Variants in PXDN observed in about 807,000 individuals in gnomAD.
PXDN encodes the protein peroxidasin homolog.
PXDN carries 77 observed loss-of-function variants against 140.3 expected under a neutral mutation model. That is an observed-to-expected ratio of 0.55 (90% CI 0.46 to 0.66). The LOEUF is 0.66. Among genes scored for constraint, PXDN ranks in the 30% least tolerant of loss-of-function variants. The probability of loss-of-function intolerance (pLI) is 0.00; values close to 1 mark genes in which losing one functional copy is unlikely to be tolerated. For synonymous variants in PXDN, 911 were observed against 857.4 expected (o/e 1.06, Z -1.09); for missense variants, 1,838 against 2,039.5 (o/e 0.90, Z 1.90).
intron 19 of PXDN, among the ~76,000 whole-genome samples, chr2:1,642,240 A>C (rs933760861): frequency 3.9e-5 from 6 of 151,970 alleles, no homozygotes; most frequent in Non-Finnish European, 8.8e-5. Flanking sequence ...CACACACTCC[A>C]CACACACACC....
intron 19 of PXDN, among the ~76,000 whole-genome samples, chr2:1,640,270 C>A (rs1022669786): frequency 1.3e-5 from 2 of 151,920 alleles, no homozygotes; most frequent in Non-Finnish European, 2.9e-5. Flanking sequence ...GTACATCATC[C>A]CCACCCAAGA....
Position 1,685,748 on chromosome 2 carries a change from G to A in PXDN, c.417-1597C>T, listed in dbSNP as rs949134157. 4.3e-5 allele frequency among the ~76,000 whole-genome samples: 6 copies of A among 140,918 alleles called. No individual in the cohort carries two copies. The highest frequency in any genetic ancestry group is 3.8e-3 in the Middle Eastern group (1 of 262). The allele number at this position is 140,918 out of a possible 152,430, so 92.4% of individuals were successfully genotyped here. ...TTGGCACCTGCTGCACAGGTGCTAC[G>A]GGAAATGACGGCCCAGGGTGCACAG... On this transcript the variant is annotated intron_variant, in intron 4 of 22. Transcript: ENST00000252804. The surrounding 1 kb of genome is among the most constrained non-coding windows in gnomAD (Gnocchi z 5.1).
chr2:1,735,807 C>G (rs1467646542), intron 1 of PXDN, among the ~76,000 whole-genome samples: 1 of 152,154 alleles, frequency 6.6e-6, no homozygotes, highest in Non-Finnish European at 1.5e-5. Context: ...AGCTTTGAAG[C>G]CAGGCAATGA....
At chr2:1,742,064 C>T (rs1433861969) in intron 1 of PXDN, among the ~76,000 whole-genome samples, 2 of 152,192 alleles carry the variant, frequency 1.3e-5, no homozygotes, top group East Asian at 1.9e-4. Flanking sequence ...CACGTTCTCC[C>T]AGGAGACACG....
chr2:1,672,388 C>T (rs769896154), intron 9 of PXDN, among the ~76,000 whole-genome samples: 4 of 152,216 alleles, frequency 2.6e-5, no homozygotes. Context: ...TAGTTATTCT[C>T]CTTTGTCTAT....
intron 7 of PXDN, among the ~76,000 whole-genome samples, chr2:1,678,659 C>T (rs1683788626): frequency 1.3e-5 from 2 of 152,218 alleles, no homozygotes; most frequent in African/African-American, 2.4e-5. Flanking sequence ...CACAGGTTCT[C>T]GCACAGCTCA....
At chr2:1,735,901 G>C (rs1685416453) in intron 1 of PXDN, among the ~76,000 whole-genome samples, 1 of 152,180 alleles carries the variant, frequency 6.6e-6, no homozygotes, top group Non-Finnish European at 1.5e-5. Context: ...ATCTGTTGTT[G>C]AATGTGGCCA....
intron 1 of PXDN, among the ~76,000 whole-genome samples, chr2:1,706,095 A>C (rs1303409028): frequency 6.6e-6 from 1 of 152,116 alleles, no homozygotes; most frequent in African/African-American, 2.4e-5. Flanking sequence ...TGCCAGATTC[A>C]AGTTCTACCC....
rs188679714 is a variant in PXDN, at chr2:1,671,441, T to C, written c.1018+2202A>G. Among the ~76,000 whole-genome samples, 441 of 152,224 alleles carry C rather than the reference T, an allele frequency of 2.9e-3. 6 individuals carry two copies. The highest frequency in any genetic ancestry group is 0.01 in the African/African-American group (423 of 41,528). The stretch of plus-strand genomic sequence containing the variant: ...TAAATTTCTAGCTCTATGTTATTTA[T>C]ATTAAACATCTCAAATATATGCACA... On this transcript the variant is annotated intron_variant, in intron 9 of 22. Transcript: ENST00000252804.
In PXDN at chr2:1,649,735, G is replaced by C; in HGVS notation, c.2105-60C>G. On this transcript the variant is annotated intron_variant, in intron 16 of 22. Coordinates refer to ENST00000252804, the MANE Select transcript of PXDN (RefSeq NM_012293.3). This position sits in a 1 kb window ranked among gnomAD's most constrained non-coding sequence, Gnocchi z 7.1. ...CCCCTGGAGGATGTGTGAGGGCCCG[G>C]TACCCCTTGGCACCTCTGCCGCTGA... The C allele has an allele frequency of 6.3e-7, 1 of 1,575,370 alleles. No individual in the cohort carries two copies. Among genetic ancestry groups the C allele is most frequent in the Non-Finnish European group, 8.7e-7 (1 of 1,147,726 alleles).
intron 1 of PXDN, among the ~76,000 whole-genome samples, chr2:1,724,814 CTTT>C (rs1685138264): frequency 6.6e-6 from 1 of 152,046 alleles, no homozygotes; most frequent in East Asian, 1.9e-4. Context: ...TTTTGTTCTC[CTTT>C]CTTAAGATTG....
intron 21 of PXDN, among the ~76,000 whole-genome samples, chr2:1,638,209 G>A (rs1201599446): frequency 3.9e-5 from 6 of 152,148 alleles, no homozygotes; most frequent in Admixed American, 6.5e-5. Flanking sequence ...CGGAGTGAGC[G>A]CACTTCCTTC....
At chr2:1,696,826 G>A (rs1215634737) in intron 1 of PXDN, among the ~76,000 whole-genome samples, 3 of 152,174 alleles carry the variant, frequency 2.0e-5, no homozygotes, top group East Asian at 1.9e-4. Flanking sequence ...CTGCTCCAGA[G>A]CAACAGAAAG....
Position 1,693,069 on chromosome 2 carries a change from T to C in PXDN, c.266A>G (p.Asn89Ser). ...PGAFRRLRNL[N>S]TLLLNNNQIK... ...ATAGAATATTTCCACTCACAATGTG[T>C]TCAAGTTCCTCAGCCGCCTGAATGC... The change falls in exon 2 of 23, where the codon AAC becomes AGC. Residue 89 changes from asparagine (N) to serine (S), a missense_variant. Coordinates refer to ENST00000252804, the MANE Select transcript of PXDN (RefSeq NM_012293.3). 6.5e-7 allele frequency: 1 copy of C among 1,549,242 alleles called. No individual in the cohort carries two copies. Among genetic ancestry groups the C allele is most frequent in the Non-Finnish European group, 8.8e-7 (1 of 1,141,908 alleles).
In PXDN at chr2:1,660,882, A is replaced by C. The variant is rs17841813; in HGVS notation, c.1836T>G (p.Asn612Lys). The change falls in exon 14 of 23, where the codon AAT becomes AAG. Residue 612 changes from asparagine (N) to lysine (K), a missense_variant and splice_region_variant. Asn to Lys is a moderately conservative substitution (Grantham distance 94). Coordinates refer to ENST00000252804, the MANE Select transcript of PXDN (RefSeq NM_012293.3). The surrounding 1 kb of genome is among the most constrained non-coding windows in gnomAD (Gnocchi z 4.6). ...AGATGTGGGCATGTGGCATCTTACC[A>C]TTCACACTGAGCACCATGCTCACCG... Reference protein sequence around the residue: ...SASVSMVLSVNVPDVSRNGDP... With the variant: ...SASVSMVLSVKVPDVSRNGDP... 6.2e-7 allele frequency: 1 copy of C among 1,608,436 alleles called. No individual in the cohort carries two copies. The highest frequency in any genetic ancestry group is 8.5e-7 in the Non-Finnish European group (1 of 1,176,108).
chr2:1,678,384 T>A (rs942492107), intron 7 of PXDN, among the ~76,000 whole-genome samples: 5 of 152,198 alleles, frequency 3.3e-5, no homozygotes, highest in African/African-American at 1.2e-4. Flanking sequence ...TGCACAACCC[T>A]GCAGACACCC....
chr2:1,732,478 C>T (rs1158600575), intron 1 of PXDN, among the ~76,000 whole-genome samples: 1 of 152,126 alleles, frequency 6.6e-6, no homozygotes, highest in Non-Finnish European at 1.5e-5. Context: ...TGAGCAGTGC[C>T]GTTCTCATCA....
chr2:1,638,737 G>C (rs1440449871), intron 21 of PXDN, 109 bp downstream of exon 21: 1 of 1,512,678 alleles, frequency 6.6e-7, no homozygotes, highest in African/African-American at 1.4e-5. Context: ...TCCTGTGTGG[G>C]CAGTTGAACA....
intron 3 of PXDN, among the ~76,000 whole-genome samples, chr2:1,689,521 G>C (rs572585424): frequency 6.6e-6 from 1 of 152,154 alleles, no homozygotes; most frequent in African/African-American, 2.4e-5. Context: ...GGTGGCTCAT[G>C]CCTGTAATCT....
Sources: gnomAD v4.1 joint callset for allele counts (sites outside exome capture counted in the v4.1 genomes callset) on GRCh38, gnomAD v4.1.1 for gene constraint, Gnocchi (gnomAD v3.1) non-coding constraint, MANE v1.5 for transcripts, NCBI Gene and HGNC (gene_info 2026-07-23, HGNC 2026-07-21) for gene names.